NDUFAF2: variants seen among roughly 807,000 people sequenced by gnomAD.
The protein encoded by NDUFAF2 is NADH dehydrogenase [ubiquinone] 1 alpha subcomplex assembly factor 2.
In NDUFAF2, 13 loss-of-function variants were observed where a neutral mutation model predicts 22.8. That is an observed-to-expected ratio of 0.57 (90% confidence interval 0.37 to 0.91). NDUFAF2 has a LOEUF of 0.91. Among genes scored for constraint, NDUFAF2 ranks in the 40% least tolerant of loss-of-function variants. The probability of loss-of-function intolerance (pLI) is 0.01; values close to 1 mark genes in which losing one functional copy is unlikely to be tolerated. For missense variants in NDUFAF2, 162 were observed against 195.2 expected (o/e 0.83, Z 1.01); for synonymous variants, 53 against 64.2 (o/e 0.83, Z 0.84).
chr5:60,966,324 G>A (rs1429974380), intron 1 of NDUFAF2, among the ~76,000 whole-genome samples: 6 of 152,042 alleles, frequency 3.9e-5, no homozygotes, highest in Non-Finnish European at 1.5e-5. Context: ...CAAAGGTTGT[G>A]TCTTTACTCT....
At position 60,961,543 on chromosome 5, in the gene NDUFAF2, C is replaced by T. The variant is rs916404957; in HGVS notation, c.127+16161C>T. 7.5e-5 allele frequency among the ~76,000 whole-genome samples: 11 copies of T among 146,324 alleles called. No individual in the cohort carries two copies. In the Admixed American group the frequency reaches 7.6e-4, roughly 10 times the overall value. Reference sequence around the variant, plus strand: ...ACGGGAGGCGGAACTTGCAGTGAGCCGAGATTGTGCCACTGCACTCCAGCC... The same window carrying T: ...ACGGGAGGCGGAACTTGCAGTGAGCTGAGATTGTGCCACTGCACTCCAGCC... On this transcript the variant is annotated intron_variant, in intron 1 of 3. Coordinates refer to ENST00000296597, the MANE Select transcript of NDUFAF2 (RefSeq NM_174889.5).
chr5:61,117,203 T>C (rs1368605182), intron 3 of NDUFAF2, among the ~76,000 whole-genome samples: 1 of 152,208 alleles, frequency 6.6e-6, no homozygotes, highest in African/African-American at 2.4e-5. Context: ...AGAGCCTGCT[T>C]TGTAACTGTC....
chr5:60,971,286 C>CTT (rs70977817), intron 1 of NDUFAF2, among the ~76,000 whole-genome samples: 137 of 144,258 alleles, frequency 9.5e-4, no homozygotes, highest in East Asian at 2.2e-3. Flanking sequence ...TTCTTTCTTT[C>CTT]TTTTTTTTTT....
rs576334112 is a variant in NDUFAF2, at chr5:61,085,033, A to G, written c.217+11819A>G. 2.6e-4 allele frequency among the ~76,000 whole-genome samples: 40 copies of G among 152,302 alleles called. 1 individual carries two copies. In the South Asian group the frequency reaches 7.7e-3, roughly 29 times the overall value. On this transcript the variant is annotated intron_variant, in intron 2 of 3. Transcript: ENST00000296597. ...TATTCTTTCCAGAAATGTGGGAGAT[A>G]GGAATACTTCTCTACTCATTTTATT...
At chr5:60,978,022 A>G (rs536348227) in intron 1 of NDUFAF2, among the ~76,000 whole-genome samples, 1 of 151,848 alleles carries the variant, frequency 6.6e-6, no homozygotes, top group East Asian at 1.9e-4. Flanking sequence ...AGTAGGAAAG[A>G]CTCGTCCCCC....
chr5:61,136,005 T>TA lies in NDUFAF2; in HGVS notation c.259-16699_259-16698insA, dbSNP rs1411594766. Among the ~76,000 whole-genome samples the TA allele has an allele frequency of 1.9e-4, 18 of 96,028 alleles. 1 individual carries two copies. Among genetic ancestry groups the TA allele is most frequent in the African/African-American group, 9.8e-4 (18 of 18,320 alleles). 63.0% of individuals were successfully genotyped at this position (96,028 alleles called of 152,430 possible). A position where few individuals can be genotyped will look rare whatever the true frequency, so the allele number is the denominator to read the frequency against. The stretch of plus-strand genomic sequence containing the variant: ...TTGGTCCCTACATCTAAGCCTGTCT[T>TA]TATATATATATATATATATATATAT... On this transcript the variant is annotated intron_variant, in intron 3 of 3. Coordinates refer to ENST00000296597, the MANE Select transcript of NDUFAF2 (RefSeq NM_174889.5).
At chr5:60,976,272 A>C (rs1336368429) in intron 1 of NDUFAF2, among the ~76,000 whole-genome samples, 1 of 151,678 alleles carries the variant, frequency 6.6e-6, no homozygotes, top group Non-Finnish European at 1.5e-5. Context: ...TTCTAGTATC[A>C]AATGAAGTAG....
intron 1 of NDUFAF2, among the ~76,000 whole-genome samples, chr5:60,988,590 C>G (rs536604065): frequency 5.3e-5 from 8 of 152,126 alleles, no homozygotes; most frequent in Admixed American, 3.9e-4. Flanking sequence ...GCACATAAAC[C>G]AATGGAACAG....
intron 1 of NDUFAF2, among the ~76,000 whole-genome samples, chr5:60,986,898 C>T (rs1480730913): frequency 6.7e-6 from 1 of 148,414 alleles, no homozygotes; most frequent in Non-Finnish European, 1.5e-5. Flanking sequence ...TGCCATTGCA[C>T]TCTAGCCCGG....
intron 1 of NDUFAF2, among the ~76,000 whole-genome samples, chr5:61,021,618 C>T (rs1465160410): frequency 6.6e-6 from 1 of 152,184 alleles, no homozygotes; most frequent in Non-Finnish European, 1.5e-5. Flanking sequence ...TATCATTTTC[C>T]TTCCCCCACC....
chr5:60,964,303 T>C (rs964682450), intron 1 of NDUFAF2, among the ~76,000 whole-genome samples: 3 of 152,148 alleles, frequency 2.0e-5, no homozygotes, highest in Admixed American at 2.0e-4. Context: ...ATAAGATGTA[T>C]ATATTTATGA....
rs184057977 is a variant in NDUFAF2 at position 60,989,228 on chromosome 5, G to A, written c.127+43846G>A. Among the ~76,000 whole-genome samples, 235 of 152,244 alleles carry A rather than the reference G, an allele frequency of 1.5e-3. 1 individual carries two copies. Among genetic ancestry groups the A allele is most frequent in the African/African-American group, 5.5e-3 (228 of 41,560 alleles). On this transcript the variant is annotated intron_variant, in intron 1 of 3. Transcript: ENST00000296597. Reference sequence around the variant, plus strand: ...ACAGCGTGATATCTTATATTAGTCAGAATGGCTATTATTTTAAAAATCAAA... The same window carrying A: ...ACAGCGTGATATCTTATATTAGTCAAAATGGCTATTATTTTAAAAATCAAA...
At chr5:61,112,513 T>G (rs1277171334) in intron 3 of NDUFAF2, among the ~76,000 whole-genome samples, 1 of 152,130 alleles carries the variant, frequency 6.6e-6, no homozygotes, top group African/African-American at 2.4e-5. Context: ...CACCCAGCCC[T>G]TTATCTCTTT....
intron 1 of NDUFAF2, among the ~76,000 whole-genome samples, chr5:61,071,485 C>T (rs1752299024): frequency 6.6e-6 from 1 of 152,188 alleles, no homozygotes; most frequent in Non-Finnish European, 1.5e-5. Context: ...CGTCCTTTCT[C>T]CTGCACAGTC....
chr5:61,008,520 A>C (rs1185564285), intron 1 of NDUFAF2, among the ~76,000 whole-genome samples: 3 of 151,994 alleles, frequency 2.0e-5, no homozygotes, highest in Non-Finnish European at 2.9e-5. Context: ...AAACAATCTC[A>C]AGGTCTTAGG....
chr5:60,985,784 C>G (rs755491760), intron 1 of NDUFAF2, among the ~76,000 whole-genome samples: 2 of 152,104 alleles, frequency 1.3e-5, no homozygotes, highest in Non-Finnish European at 2.9e-5. Context: ...ATCATGAGAT[C>G]GGCTCAGGAA....
intron 1 of NDUFAF2, among the ~76,000 whole-genome samples, chr5:61,008,310 A>C (rs1751399339): frequency 6.6e-6 from 1 of 152,196 alleles, no homozygotes; most frequent in African/African-American, 2.4e-5. Flanking sequence ...AATAAAAAAA[A>C]AGAATGGATT....
At chr5:61,135,101 A>G (rs541352697) in intron 3 of NDUFAF2, among the ~76,000 whole-genome samples, 1 of 152,092 alleles carries the variant, frequency 6.6e-6, no homozygotes, top group African/African-American at 2.4e-5. Context: ...TTAAATTTGA[A>G]TTGGAAATGT....
rs543556554 is a variant in NDUFAF2, at chr5:61,090,408, A to AT, written c.218-8580dup. On this transcript the variant is annotated intron_variant, in intron 2 of 3. Transcript: ENST00000296597. ...ACACTGAAATTTTGAATTCTCTATG[A>AT]TTTTCATGTCATGAAATACTGTTCG... 1.4e-3 allele frequency among the ~76,000 whole-genome samples: 218 copies of AT among 152,118 alleles called. 1 individual carries two copies. Among genetic ancestry groups the AT allele is most frequent in the African/African-American group, 5.1e-3 (210 of 41,524 alleles).
Sources: allele counts gnomAD v4.1 joint callset (sites outside exome capture counted in the v4.1 genomes callset), GRCh38; gene constraint gnomAD v4.1.1; transcripts MANE v1.5; gene names NCBI Gene and HGNC (gene_info 2026-07-23, HGNC 2026-07-21).